The following WWOX variants were observed in gnomAD, a reference collection of about 807,000 sequenced individuals.
WWOX encodes the protein WW domain containing oxidoreductase, also known as WW domain-containing oxidoreductase.
Under a neutral mutation model 46.2 loss-of-function variants are expected in WWOX, and 69 were observed. The ratio of observed to expected loss-of-function variants is 1.49; its 90% CI spans 1.23 to 1.82. WWOX has a LOEUF of 1.82. WWOX is among the 40% of genes most tolerant of loss of function. The pLI is 0.00. For synonymous variants in WWOX, 359 were observed against 202.6 expected, an observed-to-expected ratio of 1.77 and a Z score of -6.56; for missense variants, 919 against 542.6, an observed-to-expected ratio of 1.69 and a Z score of -6.89.
At chr16:78,104,231 A>AAAACACACACACACACACAC (rs1555534029) in intron 1 of WWOX, among the ~76,000 whole-genome samples, 1 of 130,124 alleles carries the variant, frequency 7.7e-6, no homozygotes. Context: ...CTGTGCTCAA[A>AAAACACACACACACACACAC]ACACACACAC....
At chr16:78,275,291 C>T (rs1337315606) in intron 5 of WWOX, among the ~76,000 whole-genome samples, 1 of 152,202 alleles carries the variant, frequency 6.6e-6, no homozygotes, top group Non-Finnish European at 1.5e-5. Context: ...GGTCTGGCAC[C>T]TTTGCTCCCA....
chr16:78,129,572 A>C (rs74888558), intron 4 of WWOX, among the ~76,000 whole-genome samples: 2 of 152,158 alleles, frequency 1.3e-5, no homozygotes, highest in African/African-American at 4.8e-5. Flanking sequence ...GCTTATTTCC[A>C]TAAGCTCAAG....
At position 78,432,539 on chromosome 16, in the gene WWOX, T is replaced by A. The variant is rs367855242; in HGVS notation, c.843T>A (p.Ser281=). The change falls in exon 8 of 9, where the codon TCT becomes TCA. Residue 281 remains serine (S), a synonymous_variant. Coordinates refer to ENST00000566780, the MANE Select transcript of WWOX (RefSeq NM_016373.4). Reference sequence around the variant, plus strand: ...GAAAACTGGACTTCAGTCGCCTCTCTCCAACAAAAAACGACTATTGGGCGA... The same window carrying A: ...GAAAACTGGACTTCAGTCGCCTCTCACCAACAAAAAACGACTATTGGGCGA... The part of the protein sequence containing the change: ...SLGKLDFSRL[S]PTKNDYWAML... 1.2e-6 allele frequency: 2 copies of A among 1,614,064 alleles called. No homozygotes were observed. Among genetic ancestry groups the A allele is most frequent in the Admixed American group, 1.7e-5 (1 of 60,006 alleles).
intron 5 of WWOX, among the ~76,000 whole-genome samples, chr16:78,309,212 C>A (rs1170804468): frequency 6.6e-6 from 1 of 152,164 alleles, no homozygotes; most frequent in East Asian, 1.9e-4. Flanking sequence ...GAATCATATA[C>A]TCCCGATAGT....
chr16:78,630,524 A>G (rs371087547), intron 8 of WWOX, among the ~76,000 whole-genome samples: 3 of 152,184 alleles, frequency 2.0e-5, no homozygotes, highest in Non-Finnish European at 2.9e-5. Flanking sequence ...TCTCTGGTAG[A>G]CAATACTTCA....
intron 8 of WWOX, among the ~76,000 whole-genome samples, chr16:78,668,104 C>T (rs1567476620): frequency 6.6e-6 from 1 of 152,100 alleles, no homozygotes; most frequent in Non-Finnish European, 1.5e-5. Context: ...CATGGTGAAG[C>T]CCCGTCTCTA....
At chr16:78,676,881 A>G (rs1352461040) in intron 8 of WWOX, among the ~76,000 whole-genome samples, 1 of 152,204 alleles carries the variant, frequency 6.6e-6, no homozygotes, top group African/African-American at 2.4e-5. Context: ...TTTGAGTATT[A>G]CTTTAATACA....
At chr16:79,176,806 A>G (rs2011184) in intron 8 of WWOX, among the ~76,000 whole-genome samples, 77,855 of 151,896 alleles carry the variant, frequency 0.51, 20,822 homozygotes, top group East Asian at 0.88. Flanking sequence ...TTTGTAAGGC[A>G]AAAAGACCCC....
chr16:79,025,122 T>C (rs2047611775), intron 8 of WWOX, among the ~76,000 whole-genome samples: 1 of 90,196 alleles, frequency 1.1e-5, no homozygotes, highest in African/African-American at 3.8e-5. Flanking sequence ...TGGGCTTGTT[T>C]TGTTTTGTTT....
At chr16:79,139,642 C>G (rs1438869701) in intron 8 of WWOX, among the ~76,000 whole-genome samples, 1 of 151,852 alleles carries the variant, frequency 6.6e-6, no homozygotes, top group African/African-American at 2.4e-5. Flanking sequence ...AGAAGAAAAG[C>G]AGGCCGATCT....
At chr16:78,492,691 G>A (rs572837686) in intron 8 of WWOX, among the ~76,000 whole-genome samples, 20 of 152,270 alleles carry the variant, frequency 1.3e-4, no homozygotes, top group African/African-American at 4.6e-4. Context: ...GTGCTTATGT[G>A]CTCTGGATAA....
At chr16:78,452,878 T>TATATATATATATATATATATATATATAC (rs752791786) in intron 8 of WWOX, among the ~76,000 whole-genome samples, 114 of 143,070 alleles carry the variant, frequency 8.0e-4, no homozygotes, top group East Asian at 2.7e-3. Flanking sequence ...TATATATATA[T>TATATATATATATATATATATATATATAC]ATACATATTT....
At chr16:78,446,598 T>C (rs2083566096) in intron 8 of WWOX, among the ~76,000 whole-genome samples, 1 of 151,664 alleles carries the variant, frequency 6.6e-6, no homozygotes, top group Admixed American at 6.6e-5. Flanking sequence ...TTATAAAAAT[T>C]ACTTATGATA....
intron 5 of WWOX, among the ~76,000 whole-genome samples, chr16:78,319,525 C>G (rs952473448): frequency 2.0e-4 from 31 of 152,070 alleles, no homozygotes; most frequent in African/African-American, 7.5e-4. Context: ...GCCTCCCAAT[C>G]TGCTGAGATT....
chr16:78,371,210 G>T (rs2081675206), intron 5 of WWOX, among the ~76,000 whole-genome samples: 1 of 152,106 alleles, frequency 6.6e-6, no homozygotes, highest in Non-Finnish European at 1.5e-5. Context: ...TTAGCTGAAG[G>T]TGACATCACT....
chr16:78,971,836 G>A lies in WWOX; in HGVS notation c.1057-239772G>A, dbSNP rs759674150. On this transcript the variant is annotated intron_variant, in intron 8 of 8. Transcript: ENST00000566780. ...TGCCATTTAAAGAGAACACTAACAA[G>A]AGAAAGCTAGTTCATTTTTCTTCCT... Among the ~76,000 whole-genome samples the A allele has an allele frequency of 2.0e-3, 301 of 150,298 alleles. 1 individual carries two copies. The highest frequency in any genetic ancestry group is 3.1e-3 in the Non-Finnish European group (213 of 67,812).
chr16:79,029,457 T>G (rs2047711046), intron 8 of WWOX, among the ~76,000 whole-genome samples: 1 of 152,230 alleles, frequency 6.6e-6, no homozygotes. Flanking sequence ...GTGATAAATT[T>G]ATTTAGCTAT....
intron 8 of WWOX, among the ~76,000 whole-genome samples, chr16:78,465,878 C>T (rs1011991524): frequency 1.3e-5 from 2 of 152,228 alleles, no homozygotes; most frequent in Non-Finnish European, 2.9e-5. Flanking sequence ...GAGACTAACA[C>T]ATTAAACACT....
rs1057518676 is a variant in WWOX, at chr16:78,278,634, G to T, written c.517-108226G>T. 1.2e-6 allele frequency: 2 copies of T among 1,610,616 alleles called. No individual in the cohort carries two copies. The highest frequency in any genetic ancestry group is 1.7e-6 in the Non-Finnish European group (2 of 1,177,794). On this transcript the variant is annotated intron_variant, in intron 5 of 8. Transcript: ENST00000566780. ...AAATACCACCCTCCGCCAGAAAAGT[G>T]CAGAATAAAAATTTTCCACTAGCAA...
Sources: allele counts gnomAD v4.1 joint callset (sites outside exome capture counted in the v4.1 genomes callset), GRCh38; gene constraint gnomAD v4.1.1; transcripts MANE v1.5; gene names NCBI Gene and HGNC (gene_info 2026-07-23, HGNC 2026-07-21).